Variants in EML6 observed in about 807,000 individuals in gnomAD.
The protein encoded by EML6 is echinoderm microtubule-associated protein-like 6.
In EML6, 154 loss-of-function variants were observed where a neutral mutation model predicts 240.1. That is an observed-to-expected ratio of 0.64 (90% CI 0.56 to 0.73). The LOEUF is 0.73. Ranked by LOEUF, EML6 falls within the 30% of genes least tolerant of loss-of-function variation. The probability of loss-of-function intolerance (pLI) is 0.00; values close to 1 mark genes in which losing one functional copy is unlikely to be tolerated. For missense variants in EML6, 2,964 were observed against 2,474.6 expected (o/e 1.20, Z -4.20); for synonymous variants, 1,148 against 899.0 (o/e 1.28, Z -4.95).
At chr2:54,787,955 C>G (rs942774512) in intron 2 of EML6, among the ~76,000 whole-genome samples, 1 of 152,166 alleles carries the variant, frequency 6.6e-6, no homozygotes, top group Non-Finnish European at 1.5e-5. Context: ...GTGGTTTCTG[C>G]TGTAGCCTGC....
intron 7 of EML6, among the ~76,000 whole-genome samples, chr2:54,839,552 CCTT>C (rs1169638300): frequency 6.6e-5 from 10 of 152,236 alleles, no homozygotes; most frequent in South Asian, 2.1e-4. Flanking sequence ...TGTAGCAACT[CCTT>C]CTCTTGTTCT....
At chr2:54,946,866 G>A (rs140795226) in intron 28 of EML6, among the ~76,000 whole-genome samples, 1,805 of 151,766 alleles carry the variant, frequency 0.012, 19 homozygotes, top group Middle Eastern at 0.034. Context: ...ATATGCTTGC[G>A]AAATGAGAAA....
At chr2:54,900,354 C>T (rs10195230) in intron 22 of EML6, among the ~76,000 whole-genome samples, 23,628 of 152,090 alleles carry the variant, frequency 0.16, 2,560 homozygotes, top group African/African-American at 0.3. Context: ...TGAACAGAGT[C>T]TCAGCAACAT....
At chr2:54,889,778 C>T (rs943530521) in intron 17 of EML6, among the ~76,000 whole-genome samples, 2 of 152,120 alleles carry the variant, frequency 1.3e-5, no homozygotes, top group African/African-American at 4.8e-5. Flanking sequence ...CCTCTAGTTG[C>T]ATTAGTTTAT....
At chr2:54,969,964 A>G (rs2104566651) in intron 41 of EML6, 107 bp from the exon 42 acceptor site, 1 of 1,152,722 alleles carries the variant, frequency 8.7e-7, no homozygotes, top group Non-Finnish European at 1.3e-6. Context: ...AATGTTCAAT[A>G]CATCACCCGA....
At chr2:54,845,827 G>C (rs1669720657) in intron 8 of EML6, among the ~76,000 whole-genome samples, 1 of 152,164 alleles carries the variant, frequency 6.6e-6, no homozygotes, top group Non-Finnish European at 1.5e-5. Flanking sequence ...AGAATGCTTT[G>C]AGAGAAACCG....
intron 5 of EML6, among the ~76,000 whole-genome samples, 157 bp downstream of exon 5, chr2:54,820,619 A>G (rs756803011): frequency 2.0e-5 from 3 of 152,154 alleles, no homozygotes; most frequent in Non-Finnish European, 4.4e-5. Context: ...GCAAACTAAC[A>G]TCAGCTGATG....
chr2:54,884,918 A>C (rs1481317029), intron 17 of EML6, among the ~76,000 whole-genome samples: 8 of 152,208 alleles, frequency 5.3e-5, no homozygotes, highest in Non-Finnish European at 8.8e-5. Flanking sequence ...TCATGCCTAT[A>C]ATCCCAGCAC....
chr2:54,885,266 A>G (rs1672064553), intron 17 of EML6, among the ~76,000 whole-genome samples: 1 of 151,982 alleles, frequency 6.6e-6, no homozygotes, highest in South Asian at 2.1e-4. Flanking sequence ...CCAACATGGT[A>G]AAACCACCAT....
intron 2 of EML6, among the ~76,000 whole-genome samples, chr2:54,795,485 G>T (rs898238871): frequency 6.6e-6 from 1 of 152,178 alleles, no homozygotes; most frequent in Non-Finnish European, 1.5e-5. Context: ...GCCAATATCA[G>T]TGAGTCTCAT....
intron 2 of EML6, among the ~76,000 whole-genome samples, chr2:54,810,235 T>C (rs1385333832): frequency 1.3e-5 from 2 of 152,178 alleles, no homozygotes; most frequent in African/African-American, 4.8e-5. Flanking sequence ...TGTGAACTTT[T>C]TAGTAAATGT....
At chr2:54,844,661 A>T (rs1448009278) in intron 8 of EML6, among the ~76,000 whole-genome samples, 1 of 152,240 alleles carries the variant, frequency 6.6e-6, no homozygotes, top group African/African-American at 2.4e-5. Flanking sequence ...TCTGATTCTC[A>T]AAATTGTCTT....
Position 54,928,708 on chromosome 2 carries a change from A to G in EML6, c.3961A>G (p.Thr1321Ala). 3.2e-6 allele frequency: 5 copies of G among 1,551,716 alleles called. No homozygotes were observed. The highest frequency in any genetic ancestry group is 4.4e-6 in the Non-Finnish European group (5 of 1,146,996). Residue 1321 changes from threonine to alanine, a missense_variant, in exon 28 of 42, where the codon ACC (threonine) becomes GCC (alanine). Physicochemically the swap from Thr to Ala is moderately conservative, Grantham distance 58. Transcript: ENST00000356458. ...TGTGAGCATCAGGGAAATGGAAGGCACCAAGCCACACCAGCAGCTGAAGGA... is the reference window on the plus strand; with the variant it reads ...TGTGAGCATCAGGGAAATGGAAGGCGCCAAGCCACACCAGCAGCTGAAGGA... ...YAVSIREMEG[T>A]KPHQQLKEVS...
In EML6 at chr2:54,853,665, A is replaced by G; in HGVS notation, c.1467A>G (p.Lys489=). The stretch of plus-strand genomic sequence containing the variant: ...CAGCTGGGAAGCCTTTAACAAGTAA[A>G]GAAGAAATTAAAGGGATTCCTTGGG... ...RMPSGKPLTS[K]EEIKGIPWAS... Residue 489 remains lysine (K), a synonymous_variant, in exon 11 of 42, where the codon AAA becomes AAG. Coordinates refer to ENST00000356458, the MANE Select transcript of EML6 (RefSeq NM_001039753.4). The G allele has an allele frequency of 6.5e-7, 1 of 1,546,408 alleles. No homozygotes were observed. Among genetic ancestry groups the G allele is most frequent in the Non-Finnish European group, 8.7e-7 (1 of 1,143,990 alleles).
intron 16 of EML6, among the ~76,000 whole-genome samples, chr2:54,878,922 T>G (rs1475911480): frequency 1.3e-5 from 2 of 152,330 alleles, no homozygotes; most frequent in East Asian, 3.9e-4. Flanking sequence ...TTGGGAAGAT[T>G]TAAAAATTTT....
Position 54,857,930 on chromosome 2 carries a change from G to A in EML6, c.1658-1604G>A, listed in dbSNP as rs1670474663. ...GACATTAATGCTTTTGCAGGTTCTA[G>A]TTCCAGCTTACAAAGGCTATATTAA... On this transcript the variant is annotated intron_variant, in intron 11 of 41. Transcript: ENST00000356458. Among the ~76,000 whole-genome samples, 3 of 152,242 alleles carry A rather than the reference G, an allele frequency of 2.0e-5. 1 individual carries two copies. The highest frequency in any genetic ancestry group is 4.1e-4 in the South Asian group (2 of 4,832).
At chr2:54,931,934 T>G (rs1377460473) in intron 28 of EML6, among the ~76,000 whole-genome samples, 1 of 152,250 alleles carries the variant, frequency 6.6e-6, no homozygotes, top group African/African-American at 2.4e-5. Flanking sequence ...TCAATTACTT[T>G]TGAAGCAACT....
chr2:54,883,461 A>C (rs555328479), intron 17 of EML6, among the ~76,000 whole-genome samples: 17 of 152,350 alleles, frequency 1.1e-4, no homozygotes, highest in Non-Finnish European at 2.4e-4. Flanking sequence ...TACACACAGG[A>C]CTGGGCCTCT....
Position 54,971,026 on chromosome 2 carries a change from G to C in EML6, c.*931G>C, listed in dbSNP as rs1676967294. 1 of 152,206 alleles carries C rather than the reference G, an allele frequency of 6.6e-6. No homozygotes were observed. The highest frequency in any genetic ancestry group is 1.5e-5 in the Non-Finnish European group (1 of 68,042). The allele number at this position is 152,206 out of a possible 1,614,324, so 9.4% of individuals were successfully genotyped here. A position where few individuals can be genotyped will look rare whatever the true frequency, so the allele number is the denominator to read the frequency against. ...GAAAAAGGCTCAGGAAGGTCTATGA[G>C]AATGAGCTGACTTATCTCGTTAAAT... On this transcript the variant is annotated 3_prime_UTR_variant, in exon 42 of 42. Coordinates refer to ENST00000356458, the MANE Select transcript of EML6 (RefSeq NM_001039753.4).
Sources: gnomAD v4.1 joint callset for allele counts (sites outside exome capture counted in the v4.1 genomes callset) on GRCh38, gnomAD v4.1.1 for gene constraint, MANE v1.5 for transcripts, NCBI Gene and HGNC (gene_info 2026-07-23, HGNC 2026-07-21) for gene names.